HHIPL1: variants seen among roughly 807,000 people sequenced by gnomAD.
HHIPL1 encodes the protein HHIP-like protein 1.
In HHIPL1, 43 loss-of-function variants were observed where a neutral mutation model predicts 61.8. The ratio of observed to expected loss-of-function variants is 0.70; its 90% CI spans 0.55 to 0.90. The LOEUF (loss-of-function observed/expected upper bound fraction) is 0.90. Ranked by LOEUF, HHIPL1 falls within the 40% of genes least tolerant of loss-of-function variation. The pLI, the probability that HHIPL1 is intolerant of heterozygous loss-of-function variation, is 0.00. For synonymous variants in HHIPL1, 482 were observed against 515.8 expected, an observed-to-expected ratio of 0.93 and a Z score of 0.89; for missense variants, 1,056 against 1,157.7, an observed-to-expected ratio of 0.91 and a Z score of 1.28.
At chr14:99,657,271 C>A in intron 3 of HHIPL1, 128 bp downstream of exon 3, 1 of 1,107,408 alleles carries the variant, frequency 9.0e-7, no homozygotes, top group South Asian at 1.4e-5. Context: ...TGGGTCCCAG[C>A]TCAGCCTGCA....
intron 6 of HHIPL1, among the ~76,000 whole-genome samples, chr14:99,665,610 T>C (rs972480957): frequency 6.6e-6 from 1 of 152,186 alleles, no homozygotes; most frequent in African/African-American, 2.4e-5. Flanking sequence ...ATTTTTTAAA[T>C]AGTTTGTAGA....
chr14:99,640,877 CTTTTTTTTTTTTTT>C (rs59137552), upstream of HHIPL1, among the ~76,000 whole-genome samples: 5 of 69,856 alleles, frequency 7.2e-5, no homozygotes, highest in Non-Finnish European at 1.1e-4. Flanking sequence ...ACTTCTTCTT[CTTTTTTTTTTTTTT>C]TTTTTTTTTT....
At position 99,659,617 on chromosome 14, in the gene HHIPL1, CG is replaced by C; in HGVS notation, c.1239del (p.Arg414AlafsTer76). 1.3e-6 allele frequency: 2 copies of C among 1,547,700 alleles called. No individual in the cohort carries two copies. The highest frequency in any genetic ancestry group is 8.7e-7 in the Non-Finnish European group (1 of 1,150,498). ...RGDPSSGTGR[G>X]RLFCGDVGQN... is the part of the protein sequence containing the mutation. ...GCGACCCCTCCTCGGGCACTGGCCG[CG>C]GGCGCCTCTTCTGCGGCGACGTGGG... is the stretch of plus-strand genomic sequence containing the variant. On this transcript the variant is annotated frameshift_variant, in exon 4 of 9. Coordinates refer to ENST00000330710, the MANE Select transcript of HHIPL1 (RefSeq NM_001127258.3). LOFTEE classifies it high-confidence loss of function.
chr14:99,605,898 C>G, the HHIPL1 span, among the ~76,000 whole-genome samples: 1 of 152,068 alleles, frequency 6.6e-6, no homozygotes, highest in African/African-American at 2.4e-5. Context: ...GGGGGTGGGC[C>G]AGGGAAGAGG....
the HHIPL1 span, among the ~76,000 whole-genome samples, chr14:99,605,569 GA>G: frequency 6.6e-6 from 1 of 152,244 alleles, no homozygotes; most frequent in Admixed American, 6.5e-5. Flanking sequence ...AGCCCCGGGG[GA>G]TTCTGCAGGG....
At chr14:99,663,139 C>T (rs1304873787) in intron 6 of HHIPL1, 118 bp downstream of exon 6, 21 of 967,320 alleles carry the variant, frequency 2.2e-5, no homozygotes, top group Non-Finnish European at 3.0e-5. Flanking sequence ...AAATTAGTTC[C>T]CACCTGGGAT....
intron 3 of HHIPL1, 90 bp downstream of exon 3, chr14:99,657,233 A>G (rs935093763): frequency 3.5e-6 from 5 of 1,418,326 alleles, no homozygotes; most frequent in Admixed American, 2.0e-5. Context: ...TTCCTCGGCC[A>G]GGCATTGTAG....
the HHIPL1 span, among the ~76,000 whole-genome samples, chr14:99,605,143 A>T: frequency 6.6e-6 from 1 of 152,158 alleles, no homozygotes; most frequent in Non-Finnish European, 1.5e-5. Flanking sequence ...TCGACCGCTA[A>T]ATCCCTGGGA....
the HHIPL1 span, among the ~76,000 whole-genome samples, chr14:99,628,931 G>A: frequency 1.3e-5 from 2 of 152,198 alleles, no homozygotes; most frequent in Non-Finnish European, 1.5e-5. Context: ...CCAAGCCTAG[G>A]TGCCTCCCTG....
intron 1 of HHIPL1, among the ~76,000 whole-genome samples, chr14:99,649,691 A>T (rs1042349820): frequency 3.9e-5 from 6 of 152,168 alleles, no homozygotes; most frequent in Non-Finnish European, 7.3e-5. Context: ...GCTACTCTGG[A>T]GGCTGAGGTG....
intron 3 of HHIPL1, among the ~76,000 whole-genome samples, chr14:99,658,690 G>T (rs118113896): frequency 6.6e-6 from 1 of 152,048 alleles, no homozygotes; most frequent in Non-Finnish European, 1.5e-5. Context: ...CCCATCACGC[G>T]TCACTTTTGT....
chr14:99,664,201 C>T (rs980693018), intron 6 of HHIPL1, among the ~76,000 whole-genome samples: 7 of 152,280 alleles, frequency 4.6e-5, no homozygotes, highest in African/African-American at 7.2e-5. Context: ...TGCTAGGCAA[C>T]GCCCACCCAG....
At chr14:99,645,056 G>A (rs904657612), upstream of HHIPL1, 3 of 601,644 alleles carry the variant, frequency 5.0e-6, no homozygotes, top group South Asian at 7.6e-5. Context: ...GAGTGTCCCC[G>A]ACCAGAGGTG....
intron 2 of HHIPL1, among the ~76,000 whole-genome samples, chr14:99,655,750 A>T (rs1428492328): frequency 6.6e-6 from 1 of 152,232 alleles, no homozygotes; most frequent in Non-Finnish European, 1.5e-5. Context: ...GGAGGGCTGG[A>T]GAAGGAGAGG....
chr14:99,665,046 C>T (rs184631132), intron 6 of HHIPL1, among the ~76,000 whole-genome samples: 4 of 152,210 alleles, frequency 2.6e-5, no homozygotes, highest in Admixed American at 2.6e-4. Context: ...ACCTCAGCCC[C>T]CGGAGCAGCT....
At position 99,675,251 on chromosome 14, in the gene HHIPL1, G is replaced by C. The variant is rs2056374752; in HGVS notation, c.1974G>C (p.Arg658=). 3 of 1,230,168 alleles carry C rather than the reference G, an allele frequency of 2.4e-6. No homozygotes were observed. The highest frequency in any genetic ancestry group is 3.0e-6 in the Non-Finnish European group (3 of 987,358). The allele number at this position is 1,230,168 out of a possible 1,614,324, so 76.2% of individuals were successfully genotyped here. A position where few individuals can be genotyped will look rare whatever the true frequency, so the allele number is the denominator to read the frequency against. The part of the protein sequence containing the change: ...PGSRRGGGRR[R]GRLNSASRAF... ...GCCGGAGGGGCGGCGGGCGGCGGCGGGGGCGGCTGAACTCGGCGAGCCGGG... is the reference window on the plus strand; with the variant it reads ...GCCGGAGGGGCGGCGGGCGGCGGCGCGGGCGGCTGAACTCGGCGAGCCGGG... Residue 658 remains arginine, a synonymous_variant, in exon 9 of 9, where the codon CGG becomes CGC. Coordinates refer to ENST00000330710, the MANE Select transcript of HHIPL1 (RefSeq NM_001127258.3). The surrounding 1 kb of genome is among the most constrained non-coding windows in gnomAD (Gnocchi z 5.4).
At chr14:99,611,824 A>G in the HHIPL1 span, among the ~76,000 whole-genome samples, 2 of 151,694 alleles carry the variant, frequency 1.3e-5, no homozygotes, top group Non-Finnish European at 2.9e-5. Context: ...CTTTGCTCAC[A>G]TCTATACCAA....
intron 7 of HHIPL1, among the ~76,000 whole-genome samples, chr14:99,669,945 A>G (rs1374218150): frequency 2.6e-5 from 4 of 152,186 alleles, no homozygotes; most frequent in Non-Finnish European, 5.9e-5. Flanking sequence ...ACATTTTAGA[A>G]TAGTTTCAGA....
At chr14:99,633,213 C>T in the HHIPL1 span, among the ~76,000 whole-genome samples, 1 of 152,182 alleles carries the variant, frequency 6.6e-6, no homozygotes, top group African/African-American at 2.4e-5. Flanking sequence ...CTGACAGAGC[C>T]ACCCCAGGGA....
Sources: allele counts gnomAD v4.1 joint callset (sites outside exome capture counted in the v4.1 genomes callset), GRCh38; gene constraint gnomAD v4.1.1; non-coding constraint Gnocchi (gnomAD v3.1); transcripts MANE v1.5; gene names NCBI Gene and HGNC (gene_info 2026-07-23, HGNC 2026-07-21).